Variants in DIS3L2 observed in about 807,000 individuals in gnomAD.
DIS3L2 encodes DIS3 like 3'-5' exoribonuclease 2, also known as DIS3-like exonuclease 2.
In DIS3L2, 34 loss-of-function variants were observed where a neutral mutation model predicts 97.5. The ratio of observed to expected loss-of-function variants is 0.35; its 90% CI spans 0.27 to 0.46. DIS3L2 has a LOEUF of 0.46. DIS3L2 is among the 20% of genes least tolerant of loss of function. The pLI, the probability that DIS3L2 is intolerant of heterozygous loss-of-function variation, is 1.00. For synonymous variants in DIS3L2, 435 were observed against 445.2 expected, an observed-to-expected ratio of 0.98 and a Z score of 0.29; for missense variants, 1,038 against 1,146.0, an observed-to-expected ratio of 0.91 and a Z score of 1.36.
At chr2:232,290,529 C>T (rs1694572848) in intron 13 of DIS3L2, among the ~76,000 whole-genome samples, 1 of 152,190 alleles carries the variant, frequency 6.6e-6, no homozygotes, top group Non-Finnish European at 1.5e-5. Flanking sequence ...GGCATGAATG[C>T]TACCACCAGG....
At chr2:232,298,358 G>A (rs1694770794) in intron 13 of DIS3L2, among the ~76,000 whole-genome samples, 1 of 152,150 alleles carries the variant, frequency 6.6e-6, no homozygotes, top group Admixed American at 6.5e-5. Context: ...ACTCAAAATG[G>A]ACAGAATGAA....
chr2:232,287,915 C>T (rs1694489429), intron 13 of DIS3L2, among the ~76,000 whole-genome samples: 1 of 152,182 alleles, frequency 6.6e-6, no homozygotes, highest in South Asian at 2.1e-4. Context: ...ATAGGAACTT[C>T]AGGTAACCCC....
At chr2:232,168,049 A>G (rs147247980) in intron 9 of DIS3L2, among the ~76,000 whole-genome samples, 14,899 of 152,178 alleles carry the variant, frequency 0.098, 815 homozygotes, top group African/African-American at 0.15. Flanking sequence ...CTCTGTCTCA[A>G]AAAAATAAAA....
chr2:232,328,619 G>T (rs1475293630), intron 14 of DIS3L2: 2 of 151,970 alleles, frequency 1.3e-5, no homozygotes, highest in African/African-American at 4.8e-5. Flanking sequence ...CCAGGCCTGC[G>T]GGAGCTTCCT....
In DIS3L2 at chr2:232,281,315, C is replaced by T. The variant is rs185480666; in HGVS notation, c.1659+17875C>T. Among the ~76,000 whole-genome samples, 5 of 152,256 alleles carry T rather than the reference C, an allele frequency of 3.3e-5. No homozygotes were observed. The highest frequency in any genetic ancestry group is 1.2e-4 in the African/African-American group (5 of 41,552). The stretch of plus-strand genomic sequence containing the variant: ...TTGGGAGGCTGAGGCAGGAGAAGGG[C>T]GTGAACCCGGGAGGCGGAGCTTGCA... On this transcript the variant is annotated intron_variant, in intron 13 of 20. Transcript: ENST00000325385. The surrounding 1 kb of genome is among the most constrained non-coding windows in gnomAD (Gnocchi z 4.1).
intron 9 of DIS3L2, among the ~76,000 whole-genome samples, chr2:232,166,196 CTGCAGTGAGCTATAATCA>C (rs1690808315): frequency 6.6e-6 from 1 of 152,032 alleles, no homozygotes; most frequent in Non-Finnish European, 1.5e-5. Flanking sequence ...GAGTTTGAGG[CTGCAGTGAGCTATAATCA>C]TGCCGCTACA....
At chr2:232,188,475 A>T (rs1691509165) in intron 9 of DIS3L2, among the ~76,000 whole-genome samples, 1 of 152,256 alleles carries the variant, frequency 6.6e-6, no homozygotes, top group Non-Finnish European at 1.5e-5. Flanking sequence ...AGTTCAATGT[A>T]GGAAGGATAG....
At chr2:232,197,801 T>C (rs1254730020) in intron 9 of DIS3L2, among the ~76,000 whole-genome samples, 1 of 151,846 alleles carries the variant, frequency 6.6e-6, no homozygotes, top group Non-Finnish European at 1.5e-5. Context: ...ACCCCGTCTC[T>C]ACAAAAATAT....
intron 6 of DIS3L2, among the ~76,000 whole-genome samples, chr2:232,102,308 T>C (rs1697227406): frequency 6.6e-6 from 1 of 152,186 alleles, no homozygotes; most frequent in South Asian, 2.1e-4. Flanking sequence ...GAGACATAAC[T>C]AAAAATATTG....
intron 8 of DIS3L2, among the ~76,000 whole-genome samples, chr2:232,148,748 CT>C (rs34837114): frequency 0.13 from 13,016 of 98,592 alleles, 768 homozygotes; most frequent in South Asian, 0.32. Flanking sequence ...AATTTTCTTT[CT>C]TTTTTTTTTT....
chr2:232,195,473 T>C (rs1443846281), intron 9 of DIS3L2, among the ~76,000 whole-genome samples: 1 of 150,940 alleles, frequency 6.6e-6, no homozygotes, highest in African/African-American at 2.4e-5. Flanking sequence ...TGGGGAATGC[T>C]GGTTGGTTGG....
At chr2:232,235,713 A>G (rs1015676094) in intron 10 of DIS3L2, among the ~76,000 whole-genome samples, 1 of 152,320 alleles carries the variant, frequency 6.6e-6, no homozygotes, top group Admixed American at 6.5e-5. Flanking sequence ...TTTACCTGTT[A>G]GGCCAATATA....
chr2:232,284,250 TCG>T (rs1358637400), intron 13 of DIS3L2, among the ~76,000 whole-genome samples: 2 of 152,108 alleles, frequency 1.3e-5, no homozygotes, highest in Non-Finnish European at 2.9e-5. Context: ...TTAGGCTCTC[TCG>T]ACTTATGGGA....
intron 8 of DIS3L2, among the ~76,000 whole-genome samples, chr2:232,155,883 G>T (rs990734540): frequency 1.3e-5 from 2 of 151,542 alleles, no homozygotes; most frequent in South Asian, 2.1e-4. Context: ...CCAGCTACTC[G>T]GGAGGCCGAG....
In DIS3L2 at chr2:232,107,570, A is replaced by G. The variant is rs143086466; in HGVS notation, c.601+19849A>G. Among the ~76,000 whole-genome samples, 1,476 of 152,228 alleles carry G rather than the reference A, an allele frequency of 9.7e-3. 11 individuals are homozygous for G. The highest frequency in any genetic ancestry group is 0.015 in the Non-Finnish European group (1,023 of 67,998). On this transcript the variant is annotated intron_variant, in intron 6 of 20. Coordinates refer to ENST00000325385, the MANE Select transcript of DIS3L2 (RefSeq NM_152383.5). ...AAAAATTAGCTGGGCATGGTGGTGCATGCCTGTAATCCCAGCTATTCAGGA... is the reference window on the plus strand; with the variant it reads ...AAAAATTAGCTGGGCATGGTGGTGCGTGCCTGTAATCCCAGCTATTCAGGA...
At position 232,257,443 on chromosome 2, in the gene DIS3L2, A is replaced by G. The variant is rs1308103499; in HGVS notation, c.1426-5764A>G. Among the ~76,000 whole-genome samples, 8 of 151,990 alleles carry G rather than the reference A, an allele frequency of 5.3e-5. No individual in the cohort carries two copies. The South Asian group carries it at 1.2e-3, about 24-fold the overall frequency. On this transcript the variant is annotated intron_variant, in intron 12 of 20. Coordinates refer to ENST00000325385, the MANE Select transcript of DIS3L2 (RefSeq NM_152383.5). ...CTTTTCTCACTGCCGGGCTGCCCCT[A>G]CTAAGGATGATTGCCCTGTTTTCGT...
chr2:232,334,284 TG>T, intron 17 of DIS3L2, 84 bp from the exon 18 acceptor site: 1 of 1,468,718 alleles, frequency 6.8e-7, no homozygotes, highest in Non-Finnish European at 9.2e-7. Flanking sequence ...TCGGCGGGGG[TG>T]CAGCGCCATG....
At chr2:232,068,590 A>C (rs938308144) in intron 5 of DIS3L2, among the ~76,000 whole-genome samples, 1 of 151,702 alleles carries the variant, frequency 6.6e-6, no homozygotes, top group Non-Finnish European at 1.5e-5. Context: ...TCAAAAAAAA[A>C]AAGTTATATG....
chr2:231,972,345 G>A (rs1356324755), intron 1 of DIS3L2, among the ~76,000 whole-genome samples: 2 of 151,974 alleles, frequency 1.3e-5, no homozygotes, highest in African/African-American at 4.8e-5. Flanking sequence ...TATGAGACTG[G>A]CACCACAGTA....
Sources: allele counts gnomAD v4.1 joint callset (sites outside exome capture counted in the v4.1 genomes callset), GRCh38; gene constraint gnomAD v4.1.1; non-coding constraint Gnocchi (gnomAD v3.1); transcripts MANE v1.5; gene names NCBI Gene and HGNC (gene_info 2026-07-23, HGNC 2026-07-21).